STK32B: variants seen among roughly 807,000 people sequenced by gnomAD.
STK32B encodes the protein serine/threonine-protein kinase 32B.
STK32B carries 43 observed loss-of-function variants against 52.6 expected under a neutral mutation model. That is an observed-to-expected ratio of 0.82 (90% CI 0.64 to 1.05). The LOEUF (loss-of-function observed/expected upper bound fraction) is 1.05, where lower values mean the gene tolerates loss of function less well. STK32B is among the 50% of genes least tolerant of loss of function. The probability of loss-of-function intolerance (pLI) is 0.00; values close to 1 mark genes in which losing one functional copy is unlikely to be tolerated. For missense variants in STK32B, 621 were observed against 534.6 expected (o/e 1.16, Z -1.59); for synonymous variants, 238 against 204.3 (o/e 1.17, Z -1.41).
rs1553879907 is a variant in STK32B at position 5,370,984 on chromosome 4, A to ATATGTGTGTGTGTGTG, written c.435-27222_435-27221insATGTGTGTGTGTGTGT. Among the ~76,000 whole-genome samples the ATATGTGTGTGTGTGTG allele has an allele frequency of 1.8e-3, 257 of 145,336 alleles. 3 individuals carry two copies. The East Asian group carries it at 0.028, about 16-fold the overall frequency. ...CAAGACACTATCTAAATATATATAT[A>ATATGTGTGTGTGTGTG]TGTGTGTGTGTGTATATATATATAT... is the stretch of plus-strand genomic sequence containing the variant. On this transcript the variant is annotated intron_variant, in intron 4 of 11. Transcript: ENST00000282908.
chr4:5,433,369 G>T (rs1159112228), intron 6 of STK32B, among the ~76,000 whole-genome samples: 1 of 152,178 alleles, frequency 6.6e-6, no homozygotes, highest in Non-Finnish European at 1.5e-5. Flanking sequence ...CTTCAGACAG[G>T]TTGAGTTGTG....
At chr4:5,182,530 C>CGAGA (rs1381900565) in intron 3 of STK32B, among the ~76,000 whole-genome samples, 1 of 151,862 alleles carries the variant, frequency 6.6e-6, no homozygotes, top group Non-Finnish European at 1.5e-5. Context: ...GATGCGATCT[C>CGAGA]AGCTCACTGC....
chr4:5,157,301 A>G (rs78467992), intron 2 of STK32B, among the ~76,000 whole-genome samples: 2 of 66,112 alleles, frequency 3.0e-5, no homozygotes, highest in Non-Finnish European at 6.9e-5. Context: ...TGAGGATGTA[A>G]AAAAAAAAAA....
intron 3 of STK32B, among the ~76,000 whole-genome samples, chr4:5,234,294 T>A (rs1724478892): frequency 6.6e-6 from 1 of 152,244 alleles, no homozygotes; most frequent in African/African-American, 2.4e-5. Flanking sequence ...TAATGAATAA[T>A]AATTATGTCT....
Position 5,399,420 on chromosome 4 carries a change from G to A in STK32B, c.472+1176G>A, listed in dbSNP as rs1737147348. 6.6e-6 allele frequency among the ~76,000 whole-genome samples: 1 copy of A among 152,114 alleles called. No individual in the cohort carries two copies. The highest frequency in any genetic ancestry group is 2.1e-4 in the South Asian group (1 of 4,824). On this transcript the variant is annotated intron_variant, in intron 5 of 11. Coordinates refer to ENST00000282908, the MANE Select transcript of STK32B (RefSeq NM_018401.3). The surrounding 1 kb of genome is among the most constrained non-coding windows in gnomAD (Gnocchi z 5.4). ...CTAACCTCATAGTGTGCATCCCTATGTACAGGAGTGGTGGATGGGACCATT... is the reference window on the plus strand; with the variant it reads ...CTAACCTCATAGTGTGCATCCCTATATACAGGAGTGGTGGATGGGACCATT...
In STK32B at chr4:5,387,190, C is replaced by T. The variant is rs573671403; in HGVS notation, c.435-11017C>T. ...CAGGGCCTGAGCCCCAAGCCAGGAC[C>T]TGACGCTGATTGGCCTTGTACGGAA... On this transcript the variant is annotated intron_variant, in intron 4 of 11. Coordinates refer to ENST00000282908, the MANE Select transcript of STK32B (RefSeq NM_018401.3). Among the ~76,000 whole-genome samples the T allele has an allele frequency of 1.7e-3, 265 of 152,362 alleles. 2 individuals are homozygous for T. In the Middle Eastern group the frequency reaches 0.02, roughly 12 times the overall value.
At chr4:5,075,741 A>T (rs1016368639) in intron 1 of STK32B, among the ~76,000 whole-genome samples, 6 of 146,940 alleles carry the variant, frequency 4.1e-5, no homozygotes, top group Admixed American at 6.7e-5. Context: ...TCTCTTTTCA[A>T]GAACAGGTTT....
chr4:5,117,925 T>C (rs191495086), intron 1 of STK32B, among the ~76,000 whole-genome samples: 4 of 152,328 alleles, frequency 2.6e-5, no homozygotes, highest in African/African-American at 9.6e-5. Flanking sequence ...CAGTGAACAA[T>C]TCTTTTAATG....
rs376558245 is a variant in STK32B, at chr4:5,440,744, T to C, written c.563-5929T>C. Among the ~76,000 whole-genome samples, 14 of 152,220 alleles carry C rather than the reference T, an allele frequency of 9.2e-5. 1 individual carries two copies. Among genetic ancestry groups the C allele is most frequent in the East Asian group, 7.7e-4 (4 of 5,198 alleles). On this transcript the variant is annotated intron_variant, in intron 6 of 11. Coordinates refer to ENST00000282908, the MANE Select transcript of STK32B (RefSeq NM_018401.3). ...CAGTATGATATTGGCTGTGGGTTTG[T>C]CATAGATAGCTCTTATTATTTTGAA... is the stretch of plus-strand genomic sequence containing the variant.
At chr4:5,235,057 C>T (rs186731329) in intron 3 of STK32B, among the ~76,000 whole-genome samples, 1 of 152,170 alleles carries the variant, frequency 6.6e-6, no homozygotes, top group Non-Finnish European at 1.5e-5. Context: ...CAGAACATTT[C>T]GTTTCTCAAG....
At chr4:5,208,492 G>C (rs1033385138) in intron 3 of STK32B, among the ~76,000 whole-genome samples, 3 of 152,128 alleles carry the variant, frequency 2.0e-5, no homozygotes, top group African/African-American at 4.8e-5. Flanking sequence ...CTTCACATTA[G>C]TCATGAGAAG....
chr4:5,042,141 C>T, the STK32B span, among the ~76,000 whole-genome samples: 2 of 152,172 alleles, frequency 1.3e-5, no homozygotes, highest in Non-Finnish European at 2.9e-5. Context: ...TACTCATGTA[C>T]ATGTAAGTCA....
In STK32B at chr4:5,419,203, A is replaced by G. The variant is rs1012312825; in HGVS notation, c.562+2269A>G. Among the ~76,000 whole-genome samples, 6 of 152,224 alleles carry G rather than the reference A, an allele frequency of 3.9e-5. No homozygotes were observed. The East Asian group carries it at 1.2e-3, about 29-fold the overall frequency. The stretch of plus-strand genomic sequence containing the variant: ...TTTAGAAGATGGTGTGGTTCAGGAT[A>G]GCGTTCCTAACTTAACAGACCTATC... On this transcript the variant is annotated intron_variant, in intron 6 of 11. Coordinates refer to ENST00000282908, the MANE Select transcript of STK32B (RefSeq NM_018401.3).
intron 6 of STK32B, chr4:5,426,797 G>GAT (rs962636391): frequency 1.3e-5 from 2 of 149,226 alleles, no homozygotes; most frequent in African/African-American, 4.9e-5. Flanking sequence ...TCCTTTATCA[G>GAT]ATATATATTC....
intron 3 of STK32B, among the ~76,000 whole-genome samples, chr4:5,267,848 T>A (rs1425638561): frequency 6.6e-6 from 1 of 152,350 alleles, no homozygotes; most frequent in African/African-American, 2.4e-5. Flanking sequence ...ATCCTTCATC[T>A]GTTCCTCAGC....
intron 3 of STK32B, among the ~76,000 whole-genome samples, chr4:5,224,799 CAT>C (rs1334333283): frequency 6.6e-6 from 1 of 151,964 alleles, no homozygotes; most frequent in Non-Finnish European, 1.5e-5. Context: ...GAGTATAAAT[CAT>C]ATTAACTTAT....
chr4:5,447,270 G>C (rs1314939997), intron 7 of STK32B: 2 of 153,496 alleles, frequency 1.3e-5, no homozygotes, highest in Non-Finnish European at 2.9e-5. Flanking sequence ...AAATTTACAA[G>C]CTGAAGATGA....
chr4:5,150,810 C>A (rs1717303810), intron 2 of STK32B, among the ~76,000 whole-genome samples: 1 of 152,112 alleles, frequency 6.6e-6, no homozygotes, highest in African/African-American at 2.4e-5. Context: ...CCCATAATCT[C>A]ATGAACAGTG....
rs1443229459 is a variant in STK32B at position 5,316,637 on chromosome 4, ATATAT to A, written c.261-14577_261-14573del. ...TTATATATTATATATATAATATATA[ATATAT>A]TATATATATAATATATAATATATAT... On this transcript the variant is annotated intron_variant, in intron 3 of 11. Transcript: ENST00000282908. Among the ~76,000 whole-genome samples the A allele has an allele frequency of 1.7e-3, 9 of 5,298 alleles. 1 individual carries two copies. The highest frequency in any genetic ancestry group is 0.025 in the East Asian group (2 of 80). The allele number at this position is 5,298 out of a possible 152,430, so 3.5% of individuals were successfully genotyped here. A position where few individuals can be genotyped will look rare whatever the true frequency, so the allele number is the denominator to read the frequency against.
Sources: allele counts gnomAD v4.1 joint callset (sites outside exome capture counted in the v4.1 genomes callset), GRCh38; gene constraint gnomAD v4.1.1; non-coding constraint Gnocchi (gnomAD v3.1); transcripts MANE v1.5; gene names NCBI Gene and HGNC (gene_info 2026-07-23, HGNC 2026-07-21).